CSMD2: variants seen among roughly 807,000 people sequenced by gnomAD.
CSMD2 encodes the protein CUB and Sushi multiple domains 2.
In CSMD2, 130 loss-of-function variants were observed where a neutral mutation model predicts 398.5. The observed-to-expected ratio is 0.33, with a 90% CI of 0.28 to 0.38. The LOEUF is 0.38. CSMD2 is among the 10% of genes least tolerant of loss of function. The pLI is 1.00. For missense variants in CSMD2, 3,829 were observed against 4,764.9 expected (o/e 0.80, Z 5.78); for synonymous variants, 1,828 against 1,908.5 (o/e 0.96, Z 1.10).
At position 34,161,511 on chromosome 1, in the gene CSMD2, C is replaced by T. The variant is rs552514162; in HGVS notation, c.187+3400G>A. 3.3e-5 allele frequency among the ~76,000 whole-genome samples: 5 copies of T among 152,208 alleles called. No individual in the cohort carries two copies. The East Asian group carries it at 9.7e-4, about 29-fold the overall frequency. The stretch of plus-strand genomic sequence containing the variant: ...GTATTAGAGACTGAGAAGGAACACG[C>T]AAGAGATAGGAGAAAAATCAGTAAA... On this transcript the variant is annotated intron_variant, in intron 1 of 70. Coordinates refer to ENST00000373381, the MANE Select transcript of CSMD2 (RefSeq NM_001281956.2).
At chr1:34,059,687 G>A (rs1265105838) in intron 2 of CSMD2, among the ~76,000 whole-genome samples, 2 of 152,034 alleles carry the variant, frequency 1.3e-5, no homozygotes, top group Non-Finnish European at 2.9e-5. Flanking sequence ...GCCCCTAACA[G>A]GTGCTCAGTA....
intron 13 of CSMD2, among the ~76,000 whole-genome samples, chr1:33,763,414 C>T (rs894625540): frequency 7.2e-5 from 11 of 152,238 alleles, no homozygotes; most frequent in Non-Finnish European, 1.3e-4. Flanking sequence ...GGGGACAAGG[C>T]CAAGAATTTT....
At chr1:33,748,893 T>G (rs478327) in intron 13 of CSMD2, among the ~76,000 whole-genome samples, 12,174 of 152,146 alleles carry the variant, frequency 0.08, 548 homozygotes, top group Admixed American at 0.11. Context: ...TGACCTTACA[T>G]TAGGCTATAA....
chr1:33,541,006 A>T, intron 59 of CSMD2, 124 bp downstream of exon 59: 1 of 998,596 alleles, frequency 1.0e-6, no homozygotes, highest in Non-Finnish European at 1.5e-6. Context: ...CACCTTGCAC[A>T]TCCCCTGATA....
intron 37 of CSMD2, among the ~76,000 whole-genome samples, chr1:33,621,235 C>T (rs1641749804): frequency 6.6e-6 from 1 of 152,186 alleles, no homozygotes; most frequent in African/African-American, 2.4e-5. Flanking sequence ...AAGGCAGGGG[C>T]CTTGTCTTAT....
At chr1:33,593,386 G>A (rs903441890) in intron 44 of CSMD2, among the ~76,000 whole-genome samples, 2 of 152,162 alleles carry the variant, frequency 1.3e-5, no homozygotes, top group African/African-American at 4.8e-5. Context: ...ACCTGAGACT[G>A]GGCAATTTAC....
chr1:33,648,240 T>C (rs1333226845), intron 28 of CSMD2, among the ~76,000 whole-genome samples: 4 of 151,798 alleles, frequency 2.6e-5, no homozygotes, highest in Admixed American at 6.6e-5. Context: ...TGGGCACCTG[T>C]AGTCCCAACT....
At chr1:33,721,893 T>A (rs1303561026) in intron 19 of CSMD2, among the ~76,000 whole-genome samples, 2 of 152,218 alleles carry the variant, frequency 1.3e-5, no homozygotes, top group African/African-American at 4.8e-5. Flanking sequence ...AGACAACATC[T>A]TGGGGTATAT....
chr1:33,559,492 A>T lies in CSMD2; in HGVS notation c.8381-19T>A. 6.5e-7 allele frequency: 1 copy of T among 1,535,540 alleles called. No individual in the cohort carries two copies. Among genetic ancestry groups the T allele is most frequent in the Non-Finnish European group, 8.7e-7 (1 of 1,146,442 alleles). On this transcript the variant is annotated intron_variant, in intron 53 of 70. Coordinates refer to ENST00000373381, the MANE Select transcript of CSMD2 (RefSeq NM_001281956.2). This position sits in a 1 kb window ranked among gnomAD's most constrained non-coding sequence, Gnocchi z 4.0. ...GTAATTGCTGTAACCAAAACAGAAGATAGGTAAGCCCTCCTACTATTCCAC... is the reference window on the plus strand; with the variant it reads ...GTAATTGCTGTAACCAAAACAGAAGTTAGGTAAGCCCTCCTACTATTCCAC...
intron 19 of CSMD2, among the ~76,000 whole-genome samples, chr1:33,721,065 A>G (rs941598867): frequency 6.6e-6 from 1 of 152,192 alleles, no homozygotes; most frequent in African/African-American, 2.4e-5. Flanking sequence ...GTTCTAAGGA[A>G]GAAGTGATCT....
chr1:34,095,964 G>C (rs1206323932), intron 1 of CSMD2, among the ~76,000 whole-genome samples: 1 of 152,092 alleles, frequency 6.6e-6, no homozygotes, highest in Non-Finnish European at 1.5e-5. Flanking sequence ...CCAAAAAAGA[G>C]ACTTTTAGAC....
intron 3 of CSMD2, among the ~76,000 whole-genome samples, chr1:33,947,644 T>C (rs1227638531): frequency 3.3e-5 from 5 of 152,138 alleles, no homozygotes; most frequent in African/African-American, 7.2e-5. Context: ...GGAAGAGGCG[T>C]CTGACCACCA....
intron 64 of CSMD2, among the ~76,000 whole-genome samples, chr1:33,527,754 G>A (rs1654903999): frequency 6.6e-6 from 1 of 152,086 alleles, no homozygotes. Context: ...CTACATTTCA[G>A]TAAGAAGTAA....
intron 21 of CSMD2, 25 bp from the exon 22 acceptor site, chr1:33,709,283 T>C (rs765022720): frequency 1.9e-5 from 30 of 1,602,670 alleles, no homozygotes; most frequent in Non-Finnish European, 2.6e-5. Flanking sequence ...ACAATAACCA[T>C]AGATTAACCC....
chr1:33,630,626 A>G (rs1172370159), intron 32 of CSMD2, among the ~76,000 whole-genome samples: 1 of 149,356 alleles, frequency 6.7e-6, no homozygotes, highest in African/African-American at 2.5e-5. Flanking sequence ...CTTCTTAAAT[A>G]TTTAGAAAAC....
intron 2 of CSMD2, among the ~76,000 whole-genome samples, chr1:34,055,385 C>T (rs1653711928): frequency 6.6e-6 from 1 of 152,156 alleles, no homozygotes; most frequent in Admixed American, 6.5e-5. Context: ...AAGTTAGCAT[C>T]AGGTCCCGTA....
intron 29 of CSMD2, among the ~76,000 whole-genome samples, chr1:33,641,047 G>A (rs902354167): frequency 3.9e-5 from 6 of 152,166 alleles, no homozygotes; most frequent in African/African-American, 1.4e-4. Flanking sequence ...AACGCCCCTG[G>A]CCCCCACTCT....
At chr1:33,732,425 G>C (rs1646750016) in intron 15 of CSMD2, among the ~76,000 whole-genome samples, 1 of 152,196 alleles carries the variant, frequency 6.6e-6, no homozygotes, top group Non-Finnish European at 1.5e-5. Flanking sequence ...AGGTCATGAG[G>C]ATAGAGCCCT....
intron 29 of CSMD2, among the ~76,000 whole-genome samples, chr1:33,639,699 C>T (rs1007688162): frequency 7.9e-5 from 12 of 152,150 alleles, no homozygotes; most frequent in Admixed American, 2.6e-4. Context: ...GGAAAATCAA[C>T]AACCACATCA....
Sources: gnomAD v4.1 joint callset for allele counts (sites outside exome capture counted in the v4.1 genomes callset) on GRCh38, gnomAD v4.1.1 for gene constraint, Gnocchi (gnomAD v3.1) non-coding constraint, MANE v1.5 for transcripts, NCBI Gene and HGNC (gene_info 2026-07-23, HGNC 2026-07-21) for gene names.